Variants in GPC6 observed in about 807,000 individuals in gnomAD.
GPC6 encodes glypican-6.
In GPC6, 14 loss-of-function variants were observed where a neutral mutation model predicts 55.2. That is an observed-to-expected ratio of 0.25 (90% CI 0.17 to 0.40). GPC6 has a LOEUF of 0.40. Among genes scored for constraint, GPC6 ranks in the 10% least tolerant of loss-of-function variants. The probability of loss-of-function intolerance (pLI) is 1.00; values close to 1 mark genes in which losing one functional copy is unlikely to be tolerated. For synonymous variants in GPC6, 278 were observed against 259.6 expected, an observed-to-expected ratio of 1.07 and a Z score of -0.68; for missense variants, 641 against 708.5, an observed-to-expected ratio of 0.90 and a Z score of 1.08.
Position 94,095,414 on chromosome 13 carries a change from A to T in GPC6, c.877+67520A>T, listed in dbSNP as rs143138264. The stretch of plus-strand genomic sequence containing the variant: ...GTAGCCACATTAAGAAATGTAAAAG[A>T]AGTAAGTTAAATTAATTGTAATAAT... On this transcript the variant is annotated intron_variant, in intron 4 of 8. Transcript: ENST00000377047. Among the ~76,000 whole-genome samples, 653 of 152,302 alleles carry T rather than the reference A, an allele frequency of 4.3e-3. 4 individuals carry two copies. The highest frequency in any genetic ancestry group is 0.015 in the African/African-American group (612 of 41,558).
chr13:93,511,410 A>G (rs1359640923), intron 1 of GPC6, among the ~76,000 whole-genome samples: 1 of 148,424 alleles, frequency 6.7e-6, no homozygotes, highest in Non-Finnish European at 1.5e-5. Context: ...TGGATATTCA[A>G]TTTTCCCATT....
At chr13:93,737,534 A>C (rs191171895) in intron 2 of GPC6, among the ~76,000 whole-genome samples, 1 of 152,284 alleles carries the variant, frequency 6.6e-6, no homozygotes, top group Admixed American at 6.5e-5. Flanking sequence ...ATTTATTTTT[A>C]GAAAATGCAA....
intron 1 of GPC6, among the ~76,000 whole-genome samples, chr13:93,288,192 A>G (rs1396013302): frequency 6.6e-6 from 1 of 152,188 alleles, no homozygotes; most frequent in Non-Finnish European, 1.5e-5. Flanking sequence ...AAAATAAGAC[A>G]ATCAAAACCA....
chr13:93,351,475 T>C (rs1880629367), intron 1 of GPC6, among the ~76,000 whole-genome samples: 1 of 151,962 alleles, frequency 6.6e-6, no homozygotes, highest in Non-Finnish European at 1.5e-5. Context: ...TGTTAAAGGA[T>C]ACAAAATTAC....
Position 93,961,808 on chromosome 13 carries a change from C to CTT in GPC6, c.712-65913_712-65912dup, listed in dbSNP as rs11410373. Among the ~76,000 whole-genome samples, 14 of 151,218 alleles carry CTT rather than the reference C, an allele frequency of 9.3e-5. No homozygotes were observed. The South Asian group carries it at 1.7e-3, about 18-fold the overall frequency. On this transcript the variant is annotated intron_variant, in intron 3 of 8. Transcript: ENST00000377047. The stretch of plus-strand genomic sequence containing the variant: ...ATTTTAAGTTGAAATTTCTCCCCTC[C>CTT]TTTTTTTTTAACAATAAATGTAAAT...
intron 6 of GPC6, among the ~76,000 whole-genome samples, chr13:94,357,214 A>G (rs2139175854): frequency 6.6e-6 from 1 of 152,296 alleles, no homozygotes; most frequent in Non-Finnish European, 1.5e-5. Context: ...TGCCTCTCCA[A>G]CATATGCACT....
At chr13:94,263,680 A>G (rs1325796683) in intron 4 of GPC6, among the ~76,000 whole-genome samples, 9 of 152,226 alleles carry the variant, frequency 5.9e-5, no homozygotes, top group Non-Finnish European at 1.2e-4. Flanking sequence ...CCAGGTTACT[A>G]TTGAAGAGTT....
At chr13:93,507,395 T>C (rs940833033) in intron 1 of GPC6, among the ~76,000 whole-genome samples, 7 of 152,158 alleles carry the variant, frequency 4.6e-5, no homozygotes, top group African/African-American at 1.7e-4. Context: ...TCTTCAAATC[T>C]TTTAATCAAC....
chr13:93,536,057 G>A (rs1446000999), intron 1 of GPC6, among the ~76,000 whole-genome samples: 1 of 152,114 alleles, frequency 6.6e-6, no homozygotes, highest in Non-Finnish European at 1.5e-5. Context: ...AGCGATGTCT[G>A]TGAGCAGAGT....
chr13:93,400,029 C>G (rs1210384564), intron 1 of GPC6, among the ~76,000 whole-genome samples: 1 of 152,088 alleles, frequency 6.6e-6, no homozygotes, highest in African/African-American at 2.4e-5. Flanking sequence ...AGCTACCTCC[C>G]ATGAAAGCAT....
At chr13:93,860,441 T>A (rs1888773842) in intron 3 of GPC6, among the ~76,000 whole-genome samples, 1 of 151,680 alleles carries the variant, frequency 6.6e-6, no homozygotes, top group South Asian at 2.1e-4. Context: ...TTTCATCTTT[T>A]CTTTGAAATA....
intron 2 of GPC6, among the ~76,000 whole-genome samples, chr13:93,618,635 G>A (rs890130420): frequency 4.6e-5 from 7 of 152,052 alleles, no homozygotes; most frequent in Non-Finnish European, 8.8e-5. Flanking sequence ...CAGAACTCTC[G>A]AAGTCTGTAT....
chr13:93,977,573 T>C (rs145514105), intron 3 of GPC6, among the ~76,000 whole-genome samples: 147 of 151,670 alleles, frequency 9.7e-4, no homozygotes, highest in Non-Finnish European at 1.8e-3. Context: ...TTCCTTTTGA[T>C]TCATAACAGA....
At chr13:94,170,920 T>C (rs1168885710) in intron 4 of GPC6, among the ~76,000 whole-genome samples, 1 of 152,200 alleles carries the variant, frequency 6.6e-6, no homozygotes, top group East Asian at 1.9e-4. Context: ...CTACTCCATG[T>C]CCAGAGTGCG....
chr13:94,356,826 C>T (rs898795905), intron 6 of GPC6, among the ~76,000 whole-genome samples: 15 of 152,180 alleles, frequency 9.9e-5, no homozygotes, highest in Non-Finnish European at 1.3e-4. Context: ...TGTTTGAGCC[C>T]GGGAGTTCAA....
chr13:93,977,209 G>A (rs1880559728), intron 3 of GPC6, among the ~76,000 whole-genome samples: 2 of 152,034 alleles, frequency 1.3e-5, no homozygotes, highest in Non-Finnish European at 1.5e-5. Flanking sequence ...GCTAACTCAG[G>A]ACTAGACCAC....
At chr13:93,540,614 A>T (rs1459727669) in intron 1 of GPC6, among the ~76,000 whole-genome samples, 1 of 152,172 alleles carries the variant, frequency 6.6e-6, no homozygotes, top group East Asian at 1.9e-4. Flanking sequence ...TTTGATACAT[A>T]AAATGTTTAG....
intron 2 of GPC6, among the ~76,000 whole-genome samples, chr13:93,754,404 A>C (rs1884701758): frequency 6.6e-6 from 1 of 152,158 alleles, no homozygotes; most frequent in African/African-American, 2.4e-5. Flanking sequence ...AGACCTTCCA[A>C]AATGCTTGTA....
At chr13:93,967,758 G>A (rs1456127170) in intron 3 of GPC6, among the ~76,000 whole-genome samples, 1 of 152,132 alleles carries the variant, frequency 6.6e-6, no homozygotes, top group Non-Finnish European at 1.5e-5. Context: ...TGATTTTTCA[G>A]AAAAATAATG....
Sources: gnomAD v4.1 joint callset for allele counts (sites outside exome capture counted in the v4.1 genomes callset) on GRCh38, gnomAD v4.1.1 for gene constraint, MANE v1.5 for transcripts, NCBI Gene and HGNC (gene_info 2026-07-23, HGNC 2026-07-21) for gene names.